RTN4: variants seen among roughly 807,000 people sequenced by gnomAD.
RTN4 encodes the protein reticulon 4, also known as reticulon-4.
In RTN4, 32 loss-of-function variants were observed where a neutral mutation model predicts 90.4. The ratio of observed to expected loss-of-function variants is 0.35; its 90% CI spans 0.27 to 0.48. The LOEUF is 0.48. Among genes scored for constraint, RTN4 ranks in the 20% least tolerant of loss-of-function variants. The pLI is 0.99. For synonymous variants in RTN4, 629 were observed against 552.5 expected (o/e 1.14, Z -1.94); for missense variants, 1,706 against 1,430.2 (o/e 1.19, Z -3.11).
chr2:55,016,314 G>T (rs1681032534), intron 3 of RTN4, among the ~76,000 whole-genome samples: 1 of 152,220 alleles, frequency 6.6e-6, no homozygotes. Context: ...CAGGTGCGCT[G>T]GTTCATGCCT....
At chr2:54,981,838 A>C (rs1283367563) in intron 5 of RTN4, among the ~76,000 whole-genome samples, 1 of 152,266 alleles carries the variant, frequency 6.6e-6, no homozygotes, top group Non-Finnish European at 1.5e-5. Context: ...ACTGTAAAGC[A>C]AAGTCAGAAT....
At chr2:55,006,529 G>A (rs1011568576) in intron 3 of RTN4, among the ~76,000 whole-genome samples, 4 of 152,218 alleles carry the variant, frequency 2.6e-5, no homozygotes, top group South Asian at 4.1e-4. Context: ...ATCTCTACAC[G>A]GAAGTATGCT....
chr2:54,973,284 C>T, intron 8 of RTN4, 86 bp from the exon 9 acceptor site: 1 of 1,171,326 alleles, frequency 8.5e-7, no homozygotes, highest in Non-Finnish European at 1.2e-6. Context: ...GTATGTTATT[C>T]AGCTAATACA....
chr2:55,041,382 G>C (rs894430185), intron 1 of RTN4, among the ~76,000 whole-genome samples: 2 of 151,866 alleles, frequency 1.3e-5, no homozygotes, highest in Admixed American at 6.6e-5. Context: ...CAGAGGGAGA[G>C]GGGACAAGAT....
intron 3 of RTN4, 33 bp from the exon 4 acceptor site, chr2:54,987,731 T>C (rs1678681054): frequency 6.6e-7 from 1 of 1,526,022 alleles, no homozygotes; most frequent in East Asian, 2.4e-5. Context: ...GAAATTAGAA[T>C]GTTATTTTAT....
chr2:55,044,534 C>T (rs1424725263), intron 1 of RTN4, among the ~76,000 whole-genome samples: 2 of 152,012 alleles, frequency 1.3e-5, no homozygotes, highest in Non-Finnish European at 2.9e-5. Flanking sequence ...AAAAGTGAGA[C>T]CATTGTTTTT....
chr2:54,986,836 G>A lies in RTN4; in HGVS notation c.3221+655C>T, dbSNP rs1678598335. On this transcript the variant is annotated intron_variant, in intron 4 of 8. Coordinates refer to ENST00000337526, the MANE Select transcript of RTN4 (RefSeq NM_020532.5). ...TATACTAAAAACCAATGAGTTTTAT[G>A]GTATATGAATTATATGTCAATTAAA... Among the ~76,000 whole-genome samples, 5 of 152,086 alleles carry A rather than the reference G, an allele frequency of 3.3e-5. No homozygotes were observed. The South Asian group carries it at 1.0e-3, about 32-fold the overall frequency.
chr2:55,127,252 C>T, the RTN4 span, among the ~76,000 whole-genome samples: 20 of 152,254 alleles, frequency 1.3e-4, no homozygotes, highest in East Asian at 2.9e-3. Flanking sequence ...AGAGGTGTTC[C>T]GCTGTTCTTC....
intron 1 of RTN4, among the ~76,000 whole-genome samples, chr2:55,049,378 C>G (rs996689171): frequency 4.6e-5 from 7 of 152,222 alleles, no homozygotes. Context: ...CCTTCCTCAC[C>G]TCGAAGCCCA....
intron 1 of RTN4, among the ~76,000 whole-genome samples, chr2:55,106,527 C>A (rs900779192): frequency 1.3e-5 from 2 of 150,014 alleles, no homozygotes; most frequent in East Asian, 3.9e-4. Flanking sequence ...ATTTATTAAA[C>A]TTTTTTTTTT....
intron 3 of RTN4, among the ~76,000 whole-genome samples, chr2:55,006,753 A>C (rs1680256019): frequency 6.6e-6 from 1 of 152,084 alleles, no homozygotes. Flanking sequence ...ACTCATATTA[A>C]CCAGCTTCTC....
chr2:54,988,498 C>A (rs971440428), intron 3 of RTN4, among the ~76,000 whole-genome samples: 3 of 152,112 alleles, frequency 2.0e-5, no homozygotes, highest in Non-Finnish European at 4.4e-5. Context: ...AAAAACTACA[C>A]ATATGAATGA....
intron 3 of RTN4, among the ~76,000 whole-genome samples, chr2:54,994,495 A>G (rs1431527703): frequency 2.0e-5 from 3 of 152,254 alleles, no homozygotes; most frequent in African/African-American, 7.2e-5. Context: ...TCATCCCAAC[A>G]GATGCAGAAA....
the RTN4 span, among the ~76,000 whole-genome samples, chr2:55,133,675 T>C: frequency 6.6e-6 from 1 of 152,196 alleles, no homozygotes; most frequent in Admixed American, 6.5e-5. Flanking sequence ...GACCCTGAGC[T>C]GGTTAAGTGA....
intron 2 of RTN4, among the ~76,000 whole-genome samples, chr2:55,074,066 G>A (rs980070682): frequency 4.6e-5 from 7 of 152,276 alleles, no homozygotes; most frequent in East Asian, 1.9e-4. Context: ...TAAACATAAT[G>A]CACTCTTGTC....
chr2:55,112,819 C>T (rs1668062441), upstream of RTN4, among the ~76,000 whole-genome samples: 1 of 152,256 alleles, frequency 6.6e-6, no homozygotes, highest in Non-Finnish European at 1.5e-5. Flanking sequence ...TTATTCAGAG[C>T]TGCTCATGGC....
At chr2:55,068,673 A>AT (rs1431319748) in intron 2 of RTN4, among the ~76,000 whole-genome samples, 6 of 97,446 alleles carry the variant, frequency 6.2e-5, no homozygotes, top group Non-Finnish European at 1.2e-4. Flanking sequence ...GCTCTACAAA[A>AT]AAAAAGGGGG....
the RTN4 span, among the ~76,000 whole-genome samples, chr2:55,129,296 T>C: frequency 6.6e-6 from 1 of 151,330 alleles, no homozygotes; most frequent in Non-Finnish European, 1.5e-5. Context: ...ACCATTAGTC[T>C]GGGCCAGTGA....
intron 1 of RTN4, among the ~76,000 whole-genome samples, chr2:55,041,871 A>AT (rs1335418863): frequency 6.6e-6 from 1 of 152,106 alleles, no homozygotes; most frequent in Non-Finnish European, 1.5e-5. Context: ...AAAGAAAATG[A>AT]TAAATCTGAC....
Sources: gnomAD v4.1 joint callset for allele counts (sites outside exome capture counted in the v4.1 genomes callset) on GRCh38, gnomAD v4.1.1 for gene constraint, MANE v1.5 for transcripts, NCBI Gene and HGNC (gene_info 2026-07-23, HGNC 2026-07-21) for gene names.